XYLB: variants seen among roughly 807,000 people sequenced by gnomAD.
The protein encoded by XYLB is xylulose kinase.
Under a neutral mutation model 78.7 loss-of-function variants are expected in XYLB, and 62 were observed. The ratio of observed to expected loss-of-function variants is 0.79; its 90% confidence interval spans 0.64 to 0.97. XYLB has a LOEUF of 0.97. Ranked by LOEUF, XYLB falls within the 50% of genes least tolerant of loss-of-function variation. The pLI, the probability that XYLB is intolerant of heterozygous loss-of-function variation, is 0.00. For synonymous variants in XYLB, 245 were observed against 247.4 expected (o/e 0.99, Z 0.09); for missense variants, 687 against 676.8 (o/e 1.02, Z -0.17).
rs1708695894 is a variant in XYLB, at chr3:38,413,794, G to T, written c.*781G>T. On this transcript the variant is annotated 3_prime_UTR_variant, in exon 19 of 19. Coordinates refer to ENST00000207870, the MANE Select transcript of XYLB (RefSeq NM_005108.4). ...TGAGAGGGACCATCTCCCAAGTGGT[G>T]CAGTTTAGAACTTCTCTCCCTTTTT... 6.6e-6 allele frequency: 1 copy of T among 152,134 alleles called. No homozygotes were observed. The highest frequency in any genetic ancestry group is 2.4e-5 in the African/African-American group (1 of 41,424). The allele number at this position is 152,134 out of a possible 1,614,324, so 9.4% of individuals were successfully genotyped here. A position where few individuals can be genotyped will look rare whatever the true frequency, so the allele number is the denominator to read the frequency against.
intron 6 of XYLB, among the ~76,000 whole-genome samples, chr3:38,366,428 A>G (rs1293685261): frequency 6.6e-6 from 1 of 152,230 alleles, no homozygotes; most frequent in African/African-American, 2.4e-5. Context: ...TCACTTCTCT[A>G]TCCTGTGGGT....
the XYLB span, among the ~76,000 whole-genome samples, chr3:38,448,945 G>T: frequency 6.6e-6 from 1 of 152,036 alleles, no homozygotes; most frequent in African/African-American, 2.4e-5. Context: ...TTGCGCAGAG[G>T]CTCGCCCACA....
intron 18 of XYLB, among the ~76,000 whole-genome samples, chr3:38,409,986 C>A (rs1208498748): frequency 6.6e-6 from 1 of 152,130 alleles, no homozygotes; most frequent in Non-Finnish European, 1.5e-5. Flanking sequence ...TCAATGCCAT[C>A]CCCATCAAGC....
rs1047458367 is a variant in XYLB, at chr3:38,374,609, G to T, written c.888+107G>T. ...GAGACCCAGATCCCAGGGTCCCAGG[G>T]TCTGGGTCCCAGCAGGATCTCTGCT... is the stretch of plus-strand genomic sequence containing the variant. On this transcript the variant is annotated intron_variant, in intron 11 of 18. Coordinates refer to ENST00000207870, the MANE Select transcript of XYLB (RefSeq NM_005108.4). The T allele has an allele frequency of 4.9e-6, 7 of 1,435,294 alleles. No individual in the cohort carries two copies. The Admixed American group carries it at 8.0e-5, about 16-fold the overall frequency. 88.9% of individuals were successfully genotyped at this position (1,435,294 alleles called of 1,614,324 possible). A position where few individuals can be genotyped will look rare whatever the true frequency, so the allele number is the denominator to read the frequency against.
At chr3:38,365,324 G>T in intron 5 of XYLB, 39 bp downstream of exon 5, 2 of 1,601,660 alleles carry the variant, frequency 1.2e-6, no homozygotes, top group South Asian at 1.1e-5. Flanking sequence ...AGAAACTTCT[G>T]CAGAGTCCCA....
At chr3:38,416,266 A>G (rs991286801), downstream of XYLB, among the ~76,000 whole-genome samples, 6 of 152,208 alleles carry the variant, frequency 3.9e-5, no homozygotes, top group African/African-American at 1.2e-4. Flanking sequence ...GTCAAATAGT[A>G]TTATTTAAAG....
At chr3:38,362,847 A>T in intron 3 of XYLB, 90 bp from the exon 4 acceptor site, 1 of 1,111,928 alleles carries the variant, frequency 9.0e-7, no homozygotes, top group Non-Finnish European at 1.2e-6. Flanking sequence ...ACTCTGCTGT[A>T]ATGGCAGGCA....
chr3:38,367,028 AT>A (rs1387311223), intron 7 of XYLB, among the ~76,000 whole-genome samples, 155 bp downstream of exon 7: 1 of 152,198 alleles, frequency 6.6e-6, no homozygotes, highest in Non-Finnish European at 1.5e-5. Flanking sequence ...TTGTCAGGAC[AT>A]TTCCAAAGAG....
chr3:38,410,935 A>G (rs1708555964), intron 18 of XYLB, among the ~76,000 whole-genome samples: 1 of 152,146 alleles, frequency 6.6e-6, no homozygotes, highest in South Asian at 2.1e-4. Flanking sequence ...TGTTGGTGGG[A>G]CTGTAAACTA....
chr3:38,407,910 C>T (rs1429060662), intron 18 of XYLB, among the ~76,000 whole-genome samples: 2 of 151,702 alleles, frequency 1.3e-5, no homozygotes, highest in East Asian at 1.9e-4. Context: ...TACAAAGAGA[C>T]TTAGACTCCC....
At chr3:38,372,546 C>G (rs1706623434) in intron 9 of XYLB, 109 bp from the exon 10 acceptor site, 4 of 1,574,370 alleles carry the variant, frequency 2.5e-6, no homozygotes, top group African/African-American at 2.7e-5. Context: ...TCCTTCAGGT[C>G]TGGTGACCTG....
chr3:38,382,464 G>C (rs1380151860), intron 15 of XYLB, among the ~76,000 whole-genome samples: 1 of 152,154 alleles, frequency 6.6e-6, no homozygotes, highest in Non-Finnish European at 1.5e-5. Context: ...GAACATTATA[G>C]GCTTATGATG....
At chr3:38,431,942 ATAATTC>A in the XYLB span, among the ~76,000 whole-genome samples, 1 of 152,180 alleles carries the variant, frequency 6.6e-6, no homozygotes. Context: ...GAGGATTGTT[ATAATTC>A]AAGATTGAAA....
rs182795688 is a variant in XYLB at position 38,391,119 on chromosome 3, C to T, written c.1292-4386C>T. Among the ~76,000 whole-genome samples the T allele has an allele frequency of 2.7e-4, 41 of 152,164 alleles. No homozygotes were observed. In the East Asian group the frequency reaches 5.4e-3, roughly 20 times the overall value. ...TTATAGCCTACTCAGGAGGCTGAGG[C>T]GGGAGAATCACTTGAACCCAGGAGG... is the stretch of plus-strand genomic sequence containing the variant. On this transcript the variant is annotated intron_variant, in intron 15 of 18. Coordinates refer to ENST00000207870, the MANE Select transcript of XYLB (RefSeq NM_005108.4).
rs187672336 is a variant in XYLB, at chr3:38,370,459, G to A, written c.765+285G>A. On this transcript the variant is annotated intron_variant, in intron 9 of 18. Coordinates refer to ENST00000207870, the MANE Select transcript of XYLB (RefSeq NM_005108.4). ...ATTAGAATAGGGATAAAAATGGCAG[G>A]TGATTGCATAGCTAAAGAAAAAGTG... Among the ~76,000 whole-genome samples, 5 of 152,312 alleles carry A rather than the reference G, an allele frequency of 3.3e-5. No individual in the cohort carries two copies. In the East Asian group the frequency reaches 7.7e-4, roughly 23 times the overall value.
chr3:38,348,402 A>G, intron 1 of XYLB, 148 bp from the exon 2 acceptor site: 1 of 663,542 alleles, frequency 1.5e-6, no homozygotes, highest in Non-Finnish European at 2.6e-6. Flanking sequence ...TGTTACCACG[A>G]TTACGGTGAG....
intron 2 of XYLB, among the ~76,000 whole-genome samples, chr3:38,357,620 T>C (rs974459358): frequency 6.6e-6 from 1 of 152,188 alleles, no homozygotes; most frequent in Non-Finnish European, 1.5e-5. Flanking sequence ...TCTCCTGACC[T>C]TGTGATCCGC....
intron 2 of XYLB, chr3:38,355,847 A>G: frequency 1.4e-6 from 1 of 701,048 alleles, no homozygotes; most frequent in Non-Finnish European, 2.6e-6. Context: ...GTTCCTAACC[A>G]CCTACTGATT....
intron 2 of XYLB, among the ~76,000 whole-genome samples, chr3:38,350,950 T>C (rs1705323249): frequency 6.6e-6 from 1 of 151,756 alleles, no homozygotes; most frequent in African/African-American, 2.4e-5. Flanking sequence ...GAGACCAGCC[T>C]GGCCAACATG....
Sources: gnomAD v4.1 joint callset for allele counts (sites outside exome capture counted in the v4.1 genomes callset) on GRCh38, gnomAD v4.1.1 for gene constraint, MANE v1.5 for transcripts, NCBI Gene and HGNC (gene_info 2026-07-23, HGNC 2026-07-21) for gene names.